LAMA3: variants seen among roughly 807,000 people sequenced by gnomAD.
The protein encoded by LAMA3 is laminin subunit alpha-3.
A neutral mutation model predicts 402.0 loss-of-function variants in LAMA3; 281 were observed. The observed-to-expected ratio is 0.70, with a 90% CI of 0.63 to 0.77. LAMA3 has a LOEUF of 0.77. Among genes scored for constraint, LAMA3 ranks in the 30% least tolerant of loss-of-function variants. The pLI is 0.00. For synonymous variants in LAMA3, 1,431 were observed against 1,558.4 expected, an observed-to-expected ratio of 0.92 and a Z score of 1.93; for missense variants, 3,840 against 4,215.5, an observed-to-expected ratio of 0.91 and a Z score of 2.47.
At chr18:23,703,436 T>C (rs1436901535) in intron 1 of LAMA3, among the ~76,000 whole-genome samples, 1 of 152,232 alleles carries the variant, frequency 6.6e-6, no homozygotes, top group Non-Finnish European at 1.5e-5. Context: ...TTCCATCTAT[T>C]CTACTCCAAA....
intron 72 of LAMA3, among the ~76,000 whole-genome samples, chr18:23,950,395 A>G (rs1186952913): frequency 6.6e-6 from 1 of 152,264 alleles, no homozygotes; most frequent in Non-Finnish European, 1.5e-5. Context: ...CAGGTCCAGC[A>G]CTTGGTTATA....
intron 11 of LAMA3, chr18:23,781,224 C>T (rs777300372): frequency 2.3e-5 from 10 of 442,150 alleles, no homozygotes; most frequent in Admixed American, 7.5e-5. Flanking sequence ...GTTCCCTTTC[C>T]CTGTGACATT....
At chr18:23,893,926 C>T (rs756281789) in intron 42 of LAMA3, among the ~76,000 whole-genome samples, 18 of 152,296 alleles carry the variant, frequency 1.2e-4, no homozygotes, top group Non-Finnish European at 1.5e-4. Context: ...ATGATCGAGA[C>T]GTTTGATTTG....
intron 2 of LAMA3, among the ~76,000 whole-genome samples, chr18:23,717,313 G>A (rs950504581): frequency 1.3e-5 from 2 of 152,146 alleles, no homozygotes; most frequent in African/African-American, 4.8e-5. Context: ...AGGGAGAGAA[G>A]TGGGAATTTT....
At chr18:23,884,915 C>A in intron 41 of LAMA3, 62 bp downstream of exon 41, 1 of 1,282,360 alleles carries the variant, frequency 7.8e-7, no homozygotes, top group Non-Finnish European at 1.1e-6. Context: ...GTGGGTGGGG[C>A]TGCCAGGTGC....
chr18:23,727,246 G>A (rs1598658118), intron 2 of LAMA3, among the ~76,000 whole-genome samples: 1 of 152,326 alleles, frequency 6.6e-6, no homozygotes, highest in African/African-American at 2.4e-5. Flanking sequence ...ACAGATATCA[G>A]CTTACTCTTT....
chr18:23,744,659 G>A (rs906667602), intron 2 of LAMA3, among the ~76,000 whole-genome samples: 4 of 151,722 alleles, frequency 2.6e-5, no homozygotes, highest in South Asian at 2.1e-4. Flanking sequence ...GTGAAACCCC[G>A]TCTCTACTAA....
Position 23,839,755 on chromosome 18 carries a change from A to G in LAMA3, c.3192-30A>G, listed in dbSNP as rs754459523. The G allele has an allele frequency of 6.2e-7, 1 of 1,613,544 alleles. No individual in the cohort carries two copies. The highest frequency in any genetic ancestry group is 8.5e-7 in the Non-Finnish European group (1 of 1,179,556). On this transcript the variant is annotated intron_variant, in intron 26 of 74. Coordinates refer to ENST00000313654, the MANE Select transcript of LAMA3 (RefSeq NM_198129.4). The surrounding 1 kb of genome is among the most constrained non-coding windows in gnomAD (Gnocchi z 4.5). Reference sequence around the variant, plus strand: ...TTCTGTAGCTTTGGGTTCTTTTAAAAATCAGATTTTTAAATATTCTATTTT... The same window carrying G: ...TTCTGTAGCTTTGGGTTCTTTTAAAGATCAGATTTTTAAATATTCTATTTT...
intron 35 of LAMA3, among the ~76,000 whole-genome samples, chr18:23,863,181 C>T (rs889853348): frequency 5.9e-5 from 9 of 152,240 alleles, no homozygotes; most frequent in Non-Finnish European, 1.2e-4. Context: ...TGGTGGCTCA[C>T]GCCTGTAATC....
chr18:23,913,574 T>G (rs1344364483), intron 56 of LAMA3, among the ~76,000 whole-genome samples: 1 of 152,224 alleles, frequency 6.6e-6, no homozygotes, highest in African/African-American at 2.4e-5. Context: ...AGGATTCAGT[T>G]GTTGGAAGAA....
chr18:23,839,886 C>T lies in LAMA3; in HGVS notation c.3293C>T (p.Pro1098Leu). The T allele has an allele frequency of 6.2e-7, 1 of 1,614,192 alleles. No individual in the cohort carries two copies. Among genetic ancestry groups the T allele is most frequent in the Non-Finnish European group, 8.5e-7 (1 of 1,180,030 alleles). The change falls in exon 27 of 75, where the codon CCT becomes CTT. Residue 1098 changes from proline to leucine, a missense_variant. Coordinates refer to ENST00000313654, the MANE Select transcript of LAMA3 (RefSeq NM_198129.4). This position sits in a 1 kb window ranked among gnomAD's most constrained non-coding sequence, Gnocchi z 4.5. Reference protein sequence around the residue: ...PFPHLPQQSSPSVDVLPGVTL... With the variant: ...PFPHLPQQSSLSVDVLPGVTL... ...CCTCACCTGCCCCAGCAGTCGTCAC[C>T]TTCTGTTGATGTTCTTCCTGGGGTC...
intron 1 of LAMA3, among the ~76,000 whole-genome samples, chr18:23,712,175 G>A (rs1166762402): frequency 6.6e-6 from 1 of 152,122 alleles, no homozygotes; most frequent in Non-Finnish European, 1.5e-5. Context: ...GAGGTCAGGA[G>A]TTCAAGACCA....
chr18:23,763,153 T>C (rs923152513), intron 7 of LAMA3, among the ~76,000 whole-genome samples: 2 of 152,074 alleles, frequency 1.3e-5, no homozygotes, highest in African/African-American at 4.8e-5. Context: ...CCACTATGCC[T>C]AGCCCCAAGT....
At chr18:23,835,509 C>T (rs535988496) in intron 24 of LAMA3, among the ~76,000 whole-genome samples, 3 of 152,272 alleles carry the variant, frequency 2.0e-5, no homozygotes, top group South Asian at 4.2e-4. Context: ...ATCATTTTGG[C>T]TCTGAACATG....
intron 59 of LAMA3, among the ~76,000 whole-genome samples, chr18:23,916,032 G>GAAAAAGAAAAAGAAAAAAAAAA (rs1161975680): frequency 8.6e-6 from 1 of 116,318 alleles, no homozygotes; most frequent in Non-Finnish European, 1.6e-5. Context: ...AAAAAAAAAA[G>GAAAAAGAAAAAGAAAAAAAAAA]AAAAGAAAAG....
chr18:23,943,972 G>A lies in LAMA3; in HGVS notation c.9210+1G>A. The A allele has an allele frequency of 8.7e-6, 14 of 1,613,648 alleles. No individual in the cohort carries two copies. The highest frequency in any genetic ancestry group is 1.1e-5 in the Non-Finnish European group (13 of 1,179,692). On this transcript the variant is annotated splice_donor_variant, in intron 69 of 74. Coordinates refer to ENST00000313654, the MANE Select transcript of LAMA3 (RefSeq NM_198129.4). LOFTEE classifies it high-confidence loss of function. ...ATGCAATGATGGGAAATGGCACACG[G>A]TAAGAGCTGGGGCTGTGTCAGTATC...
intron 2 of LAMA3, among the ~76,000 whole-genome samples, chr18:23,724,550 A>G (rs1231019006): frequency 6.6e-6 from 1 of 152,142 alleles, no homozygotes; most frequent in African/African-American, 2.4e-5. Context: ...CTGGTTTGCT[A>G]GAGATCTTTC....
chr18:23,842,653 G>A lies in LAMA3; in HGVS notation c.3506G>A (p.Arg1169Gln), dbSNP rs758628100. Residue 1169 changes from arginine (R) to glutamine (Q), a missense_variant, in exon 29 of 75, where the codon CGG becomes CAG. Around this residue, in one of 3 missense-constraint regions of LAMA3, gnomAD observed 2,109 missense variants for 2,376.0 expected, o/e 0.89. Coordinates refer to ENST00000313654, the MANE Select transcript of LAMA3 (RefSeq NM_198129.4). ...ASFCPHVLGCRDQVIAEGQIE... is the reference protein window; with the variant it reads ...ASFCPHVLGCQDQVIAEGQIE... Reference sequence around the variant, plus strand: ...TTTTGCCCCCATGTGCTTGGCTGCCGGGATCAAGTGATTGCCGAAGGCCAG... The same window carrying A: ...TTTTGCCCCCATGTGCTTGGCTGCCAGGATCAAGTGATTGCCGAAGGCCAG... 49 of 1,614,002 alleles carry A rather than the reference G, an allele frequency of 3.0e-5. No homozygotes were observed. Among genetic ancestry groups the A allele is most frequent in the African/African-American group, 1.1e-4 (8 of 74,904 alleles).
rs2061707827 is a variant in LAMA3 at position 23,749,494 on chromosome 18, A to C, written c.632A>C (p.Asp211Ala). ...EANMAVTRDDDVLCVTEYSRI... is the reference protein window; with the variant it reads ...EANMAVTRDDAVLCVTEYSRI... ...AATATGGCTGTCACCCGGGATGATG[A>C]TGTACTTTGTGTTACTGAATATTCC... Residue 211 changes from aspartate to alanine, a missense_variant, in exon 4 of 75, where the codon GAT becomes GCT. Asp to Ala is a moderately radical substitution (Grantham distance 126). This residue lies in a region of LAMA3 where 2,109 missense variants were observed against 2,376.0 expected (regional missense o/e 0.89). Coordinates refer to ENST00000313654, the MANE Select transcript of LAMA3 (RefSeq NM_198129.4). 5.6e-6 allele frequency: 9 copies of C among 1,613,442 alleles called. No individual in the cohort carries two copies. Among genetic ancestry groups the C allele is most frequent in the Non-Finnish European group, 7.6e-6 (9 of 1,179,332 alleles).
Sources: allele counts gnomAD v4.1 joint callset (sites outside exome capture counted in the v4.1 genomes callset), GRCh38; gene constraint gnomAD v4.1.1; regional missense constraint gnomAD v4.1.1; non-coding constraint Gnocchi (gnomAD v3.1); transcripts MANE v1.5; gene names NCBI Gene and HGNC (gene_info 2026-07-23, HGNC 2026-07-21).